Variants in ALG9 observed in about 807,000 individuals in gnomAD.
ALG9 encodes the protein alpha-1,2-mannosyltransferase ALG9.
Under a neutral mutation model 81.8 loss-of-function variants are expected in ALG9, and 55 were observed. The ratio of observed to expected loss-of-function variants is 0.67; its 90% CI spans 0.54 to 0.84. The LOEUF (loss-of-function observed/expected upper bound fraction) is 0.84, where lower values mean the gene tolerates loss of function less well. Ranked by LOEUF, ALG9 falls within the 40% of genes least tolerant of loss-of-function variation. The pLI is 0.00. For synonymous variants in ALG9, 278 were observed against 274.3 expected, an observed-to-expected ratio of 1.01 and a Z score of -0.13; for missense variants, 629 against 745.0, an observed-to-expected ratio of 0.84 and a Z score of 1.81.
the ALG9 span, among the ~76,000 whole-genome samples, chr11:111,774,657 T>C: frequency 6.6e-6 from 1 of 152,230 alleles, no homozygotes; most frequent in Non-Finnish European, 1.5e-5. Flanking sequence ...ACTAATATCC[T>C]TTTTCTATTG....
rs642421 is a variant in ALG9 at position 111,837,858 on chromosome 11, T to G, written c.1325-243A>C. 0.05 allele frequency among the ~76,000 whole-genome samples: 7,670 copies of G among 152,296 alleles called. 633 individuals are homozygous for G. The highest frequency in any genetic ancestry group is 0.17 in the African/African-American group (7,167 of 41,510). Reference sequence around the variant, plus strand: ...GCTTTCTTGCCCCTCTCTATGCTCCTTCTTCTTTTTACCTTCATTTTCCTT... The same window carrying G: ...GCTTTCTTGCCCCTCTCTATGCTCCGTCTTCTTTTTACCTTCATTTTCCTT... On this transcript the variant is annotated intron_variant, in intron 11 of 14. Coordinates refer to ENST00000616540, the MANE Select transcript of ALG9 (RefSeq NM_024740.2).
chr11:111,856,276 C>CA (rs1175162630), intron 6 of ALG9, among the ~76,000 whole-genome samples: 6,338 of 37,374 alleles, frequency 0.17, 1,008 homozygotes, highest in African/African-American at 0.4. Context: ...GACTCCATCT[C>CA]AAAAAAAAAA....
intron 4 of ALG9, chr11:111,864,191 C>G (rs948939828): frequency 1.3e-5 from 8 of 599,524 alleles, no homozygotes; most frequent in Non-Finnish European, 2.5e-5. Flanking sequence ...AAGAAGTTTT[C>G]AGTCAGGCCC....
At chr11:111,781,655 A>T (rs1478844047), downstream of ALG9, among the ~76,000 whole-genome samples, 4 of 149,102 alleles carry the variant, frequency 2.7e-5, no homozygotes, top group Non-Finnish European at 4.5e-5. Flanking sequence ...ATTTTTTATT[A>T]TTTTTTTTTT....
chr11:111,780,766 T>C (rs1396865276), downstream of ALG9, among the ~76,000 whole-genome samples: 1 of 152,134 alleles, frequency 6.6e-6, no homozygotes, highest in Admixed American at 6.5e-5. Context: ...TAGTCCCAGG[T>C]CTCTTTTTGC....
At chr11:111,824,565 C>T (rs1014229251) in intron 13 of ALG9, among the ~76,000 whole-genome samples, 5 of 152,074 alleles carry the variant, frequency 3.3e-5, no homozygotes, top group African/African-American at 1.2e-4. Flanking sequence ...TATACCAAAG[C>T]GTAAGTAAAA....
chr11:111,815,057 A>G (rs1435961012), intron 13 of ALG9, among the ~76,000 whole-genome samples: 3 of 152,056 alleles, frequency 2.0e-5, no homozygotes, highest in Admixed American at 1.3e-4. Context: ...GGTTATCTAG[A>G]TTTGGTGTCG....
chr11:111,806,636 C>T (rs1949973346), intron 14 of ALG9, among the ~76,000 whole-genome samples: 1 of 152,138 alleles, frequency 6.6e-6, no homozygotes, highest in South Asian at 2.1e-4. Flanking sequence ...TCATTCTCTC[C>T]TTTGGTGATC....
At chr11:111,811,788 T>G (rs1950751700) in intron 13 of ALG9, among the ~76,000 whole-genome samples, 1 of 152,108 alleles carries the variant, frequency 6.6e-6, no homozygotes, top group South Asian at 2.1e-4. Flanking sequence ...GAAATGTTCG[T>G]AATAGGCAAA....
In ALG9 at chr11:111,853,741, T is replaced by G. The variant is rs1209624738; in HGVS notation, c.702-5A>C. 6.2e-7 allele frequency: 1 copy of G among 1,611,992 alleles called. No individual in the cohort carries two copies. Among genetic ancestry groups the G allele is most frequent in the South Asian group, 1.1e-5 (1 of 91,044 alleles). ...AAATCAAAGGCAATGGGTAAACTAT[T>G]TAACAGAGAAACAGAGCGGGGAGTT... On this transcript the variant is annotated splice_region_variant and splice_polypyrimidine_tract_variant and intron_variant, in intron 6 of 14. Transcript: ENST00000616540.
chr11:111,768,175 AAATT>A, the ALG9 span, among the ~76,000 whole-genome samples: 2 of 152,248 alleles, frequency 1.3e-5, no homozygotes, highest in Admixed American at 1.3e-4. Context: ...AATGGTGAGA[AAATT>A]AAGATATCAG....
intron 13 of ALG9, among the ~76,000 whole-genome samples, chr11:111,830,836 G>T (rs1954225659): frequency 6.6e-6 from 1 of 152,086 alleles, no homozygotes; most frequent in South Asian, 2.1e-4. Context: ...CTTAAAGTAA[G>T]TACCTGTCAT....
In ALG9 at chr11:111,870,315, T is replaced by C. The variant is rs1555157179; in HGVS notation, c.187A>G (p.Lys63Glu). 11 of 1,605,452 alleles carry C rather than the reference T, an allele frequency of 6.9e-6. No individual in the cohort carries two copies. Among genetic ancestry groups the C allele is most frequent in the Non-Finnish European group, 8.5e-6 (10 of 1,178,524 alleles). ...CATAACCTTGCTGAAAGCAGACACT[T>C]GAAAGCAGTAGATCCTTCAGGTGCC... ...VWAPEGSTAF[K>E]CLLSARLCAA... The change falls in exon 2 of 15, where the codon AAG becomes GAG. Residue 63 changes from lysine (K) to glutamate (E), a missense_variant. Lys to Glu is a moderately conservative substitution (Grantham distance 56). Transcript: ENST00000616540.
intron 14 of ALG9, among the ~76,000 whole-genome samples, chr11:111,801,458 G>C (rs1441789683): frequency 6.6e-6 from 1 of 152,326 alleles, no homozygotes; most frequent in South Asian, 2.1e-4. Context: ...ACCCTAGACA[G>C]CCTGCTGATT....
chr11:111,788,335 A>G (rs1344498720), intron 14 of ALG9: 3 of 447,150 alleles, frequency 6.7e-6, no homozygotes, highest in Non-Finnish European at 1.3e-5. Context: ...TCACTTCAAC[A>G]GTGAACTCTA....
At chr11:111,819,545 A>C (rs1471231749) in intron 13 of ALG9, among the ~76,000 whole-genome samples, 1 of 152,266 alleles carries the variant, frequency 6.6e-6, no homozygotes, top group Non-Finnish European at 1.5e-5. Context: ...TGGGAGGATT[A>C]AAGCTGAAAA....
At chr11:111,809,596 TTACCCATACTAGTCC>T in intron 14 of ALG9, 32 bp downstream of exon 14, 1 of 1,611,854 alleles carries the variant, frequency 6.2e-7, no homozygotes, top group African/African-American at 1.3e-5. Flanking sequence ...AATCCAATTT[TTACCCATACTAGTCC>T]TGGAATATCC....
At chr11:111,826,727 T>A (rs1953368570) in intron 13 of ALG9, among the ~76,000 whole-genome samples, 1 of 152,204 alleles carries the variant, frequency 6.6e-6, no homozygotes, top group South Asian at 2.1e-4. Flanking sequence ...CTCTGCAGGC[T>A]CTTGCAATCT....
chr11:111,768,856 T>C, the ALG9 span: 32 of 152,350 alleles, frequency 2.1e-4, no homozygotes, highest in Admixed American at 1.3e-4. Context: ...TGTGTGTGTG[T>C]GTGTGTGTGT....
Sources: allele counts gnomAD v4.1 joint callset (sites outside exome capture counted in the v4.1 genomes callset), GRCh38; gene constraint gnomAD v4.1.1; transcripts MANE v1.5; gene names NCBI Gene and HGNC (gene_info 2026-07-23, HGNC 2026-07-21).